TRPM3: variants seen among roughly 807,000 people sequenced by gnomAD.
TRPM3 encodes the protein long transient receptor potential channel 3.
Under a neutral mutation model 181.2 loss-of-function variants are expected in TRPM3, and 77 were observed. The ratio of observed to expected loss-of-function variants is 0.42; its 90% CI spans 0.35 to 0.51. TRPM3 has a LOEUF of 0.51. Among genes scored for constraint, TRPM3 ranks in the 20% least tolerant of loss-of-function variants. The pLI, the probability that TRPM3 is intolerant of heterozygous loss-of-function variation, is 0.01. For synonymous variants in TRPM3, 745 were observed against 796.4 expected (o/e 0.94, Z 1.09); for missense variants, 1,759 against 2,196.7 (o/e 0.80, Z 3.98).
At chr9:70,876,171 C>A (rs572660916) in intron 1 of TRPM3, among the ~76,000 whole-genome samples, 2 of 151,684 alleles carry the variant, frequency 1.3e-5, no homozygotes, top group Admixed American at 6.6e-5. Flanking sequence ...GACTAACTAC[C>A]AAAGCCTATA....
intron 9 of TRPM3, among the ~76,000 whole-genome samples, chr9:70,647,457 T>A (rs1280322706): frequency 6.6e-6 from 1 of 152,156 alleles, no homozygotes; most frequent in African/African-American, 2.4e-5. Context: ...ATAATCTTAA[T>A]AGACACAGAA....
At chr9:70,833,150 G>A (rs2094063658) in intron 5 of TRPM3, among the ~76,000 whole-genome samples, 1 of 152,192 alleles carries the variant, frequency 6.6e-6, no homozygotes, top group African/African-American at 2.4e-5. Flanking sequence ...GCAGAATAGT[G>A]ACCTTTAATG....
chr9:70,655,364 C>A (rs2060199643), intron 9 of TRPM3, among the ~76,000 whole-genome samples: 1 of 143,316 alleles, frequency 7.0e-6, no homozygotes, highest in Non-Finnish European at 1.5e-5. Flanking sequence ...GGCCTTTGTG[C>A]ATATTCACAT....
At chr9:70,952,321 A>G (rs776462976) in intron 1 of TRPM3, among the ~76,000 whole-genome samples, 17 of 152,148 alleles carry the variant, frequency 1.1e-4, no homozygotes, top group Non-Finnish European at 2.5e-4. Flanking sequence ...GGAATTCATG[A>G]TACTGTTCTT....
intron 1 of TRPM3, among the ~76,000 whole-genome samples, chr9:70,940,308 C>T (rs2096873116): frequency 6.6e-6 from 1 of 152,128 alleles, no homozygotes; most frequent in East Asian, 1.9e-4. Flanking sequence ...AGTCGTAAAG[C>T]TGGTATTTGA....
intron 9 of TRPM3, among the ~76,000 whole-genome samples, chr9:70,651,357 G>T (rs2059578568): frequency 6.6e-6 from 1 of 152,018 alleles, no homozygotes; most frequent in Non-Finnish European, 1.5e-5. Flanking sequence ...TCATTTAAAA[G>T]GGCCCAGGAT....
chr9:70,779,135 A>G (rs949726175), intron 7 of TRPM3, among the ~76,000 whole-genome samples: 4 of 152,108 alleles, frequency 2.6e-5, no homozygotes, highest in African/African-American at 7.2e-5. Context: ...TTTATTAGAA[A>G]TCTATTATCT....
intron 1 of TRPM3, among the ~76,000 whole-genome samples, chr9:71,024,746 A>G (rs565968962): frequency 2.0e-4 from 31 of 152,338 alleles, no homozygotes; most frequent in African/African-American, 6.3e-4. Flanking sequence ...AGCCAACTGT[A>G]TTATCTGCCA....
intron 12 of TRPM3, among the ~76,000 whole-genome samples, chr9:70,634,449 G>T (rs1291578859): frequency 1.3e-5 from 2 of 152,294 alleles, no homozygotes; most frequent in South Asian, 2.1e-4. Context: ...TCATAGAATT[G>T]TTGTGAAGAT....
At chr9:71,357,013 C>T (rs543981090) in intron 1 of TRPM3, among the ~76,000 whole-genome samples, 2 of 152,030 alleles carry the variant, frequency 1.3e-5, no homozygotes, top group Admixed American at 6.6e-5. Context: ...TGTCAAGTCA[C>T]GTGGTTGATG....
intron 1 of TRPM3, among the ~76,000 whole-genome samples, chr9:71,444,177 C>A (rs1170606527): frequency 1.5e-3 from 168 of 112,842 alleles, no homozygotes; most frequent in African/African-American, 2.6e-3. Context: ...GAATACATCT[C>A]AAAAAAAAAA....
Position 70,856,309 on chromosome 9 carries a change from A to G in TRPM3, c.462+6599T>C, listed in dbSNP as rs2095385892. Among the ~76,000 whole-genome samples the G allele has an allele frequency of 1.3e-5, 2 of 152,216 alleles. 1 individual carries two copies. Among genetic ancestry groups the G allele is most frequent in the South Asian group, 4.1e-4 (2 of 4,832 alleles). On this transcript the variant is annotated intron_variant, in intron 3 of 25. Coordinates refer to ENST00000677713, the MANE Select transcript of TRPM3 (RefSeq NM_001366145.2). ...CTGCCAGTTCAGTGGTCTTCAGATT[A>G]CAAGGTAGAAACTGAAAATCAATGG...
chr9:70,627,919 C>G (rs2064968734), intron 12 of TRPM3, among the ~76,000 whole-genome samples: 1 of 152,112 alleles, frequency 6.6e-6, no homozygotes, highest in African/African-American at 2.4e-5. Context: ...GCTAAGCTAT[C>G]CTCAGGCTAA....
At chr9:70,610,472 G>T in intron 19 of TRPM3, 137 bp downstream of exon 19, 2 of 1,119,068 alleles carry the variant, frequency 1.8e-6, no homozygotes, top group Non-Finnish European at 2.5e-6. Context: ...CAGAGCTATT[G>T]AAAAAGCAAG....
intron 1 of TRPM3, among the ~76,000 whole-genome samples, chr9:71,279,472 A>G (rs2132181129): frequency 6.6e-6 from 1 of 152,354 alleles, no homozygotes; most frequent in South Asian, 2.1e-4. Context: ...GGAAAACTTT[A>G]TAGGAGCAAA....
intron 1 of TRPM3, among the ~76,000 whole-genome samples, chr9:70,877,182 A>G (rs2095881841): frequency 6.6e-6 from 1 of 151,952 alleles, no homozygotes; most frequent in South Asian, 2.1e-4. Context: ...ATTACTTTCA[A>G]AATAGAGCCC....
chr9:71,124,671 G>A (rs1453788288), upstream of TRPM3, among the ~76,000 whole-genome samples: 1 of 152,156 alleles, frequency 6.6e-6, no homozygotes, highest in Non-Finnish European at 1.5e-5. Flanking sequence ...GGCGGCCATT[G>A]TATAGCCCTT....
chr9:70,605,390 A>G (rs1472966801), intron 19 of TRPM3, among the ~76,000 whole-genome samples: 1 of 152,164 alleles, frequency 6.6e-6, no homozygotes. Flanking sequence ...AAGATCACTT[A>G]TGAGAGCTGG....
chr9:71,330,346 TGA>T (rs1405381445), intron 1 of TRPM3, among the ~76,000 whole-genome samples: 2 of 151,832 alleles, frequency 1.3e-5, no homozygotes, highest in African/African-American at 4.8e-5. Context: ...CCTGCTCCAA[TGA>T]GAGAAAAACA....
Sources: allele counts gnomAD v4.1 joint callset (sites outside exome capture counted in the v4.1 genomes callset), GRCh38; gene constraint gnomAD v4.1.1; transcripts MANE v1.5; gene names NCBI Gene and HGNC (gene_info 2026-07-23, HGNC 2026-07-21).